Variants in DLGAP4 observed in about 807,000 individuals in gnomAD.
DLGAP4 encodes disks large-associated protein 4.
In DLGAP4, 18 loss-of-function variants were observed where a neutral mutation model predicts 86.9. The observed-to-expected ratio is 0.21, with a 90% CI of 0.14 to 0.31. The LOEUF (loss-of-function observed/expected upper bound fraction) is 0.31, where lower values mean the gene tolerates loss of function less well. DLGAP4 is among the 10% of genes least tolerant of loss of function. The probability of loss-of-function intolerance (pLI) is 1.00; values close to 1 mark genes in which losing one functional copy is unlikely to be tolerated. For missense variants in DLGAP4, 1,085 were observed against 1,362.6 expected (o/e 0.80, Z 3.21); for synonymous variants, 548 against 574.3 (o/e 0.95, Z 0.65).
chr20:36,526,545 C>A (rs563697878), intron 12 of DLGAP4, among the ~76,000 whole-genome samples: 32 of 152,144 alleles, frequency 2.1e-4, no homozygotes, highest in African/African-American at 7.5e-4. Context: ...CCCGGTGATT[C>A]AACATGAGGG....
At position 36,497,106 on chromosome 20, in the gene DLGAP4, C is replaced by T. The variant is rs754691389; in HGVS notation, c.2010+40C>T. On this transcript the variant is annotated intron_variant, in intron 8 of 12. Coordinates refer to ENST00000339266, the MANE Select transcript of DLGAP4 (RefSeq NM_001365621.2). ...TGCACTCTGTGTCCTCAGCCCACTC[C>T]GTGCACCTGCCTGTGTGTAATTACA... 93 of 1,540,986 alleles carry T rather than the reference C, an allele frequency of 6.0e-5. No individual in the cohort carries two copies. The Admixed American group carries it at 1.0e-3, about 17-fold the overall frequency.
At chr20:36,443,367 C>T (rs1387072609) in intron 6 of DLGAP4, among the ~76,000 whole-genome samples, 1 of 152,152 alleles carries the variant, frequency 6.6e-6, no homozygotes, top group Non-Finnish European at 1.5e-5. Context: ...CCCTCCCAGG[C>T]CAAAGACCAA....
chr20:36,472,023 GAGACCAGGAGC>G (rs1301218210), intron 7 of DLGAP4, among the ~76,000 whole-genome samples: 1 of 152,170 alleles, frequency 6.6e-6, no homozygotes, highest in Non-Finnish European at 1.5e-5. Context: ...GGTGGTCAGG[GAGACCAGGAGC>G]ATGTCTACAC....
In DLGAP4 at chr20:36,500,399, A is replaced by G. The variant is rs1485390572; in HGVS notation, c.2300A>G (p.Asn767Ser). 1.3e-6 allele frequency: 2 copies of G among 1,596,336 alleles called. No homozygotes were observed. The highest frequency in any genetic ancestry group is 1.7e-6 in the Non-Finnish European group (2 of 1,171,020). ...AAGCGCAACCTCTCCTATGGAGACA[A>G]CAGCGACCCTGCCCTAGAGGCGTCC... The part of the protein sequence containing the change: ...QIKRNLSYGD[N>S]SDPALEASSL... The change falls in exon 10 of 13, where the codon AAC becomes AGC. Residue 767 changes from asparagine (N) to serine (S), a missense_variant. Around this residue, in one of 2 missense-constraint regions of DLGAP4, gnomAD observed 1,082 missense variants for 1,344.1 expected, o/e 0.81. Transcript: ENST00000339266. The surrounding 1 kb of genome is among the most constrained non-coding windows in gnomAD (Gnocchi z 4.6).
chr20:36,344,201 C>T (rs549234009), intron 1 of DLGAP4, among the ~76,000 whole-genome samples: 4 of 152,174 alleles, frequency 2.6e-5, no homozygotes, highest in African/African-American at 4.8e-5. Context: ...TCTCTGCTCC[C>T]GACTCTTCAC....
chr20:36,490,648 C>T (rs938850959), intron 7 of DLGAP4, among the ~76,000 whole-genome samples: 18 of 152,210 alleles, frequency 1.2e-4, no homozygotes, highest in African/African-American at 4.1e-4. Flanking sequence ...TCCAGGTTGT[C>T]TGTGGCCCCA....
At chr20:36,502,445 G>A (rs577463101) in intron 10 of DLGAP4, among the ~76,000 whole-genome samples, 8 of 152,296 alleles carry the variant, frequency 5.3e-5, no homozygotes, top group Middle Eastern at 3.4e-3. Flanking sequence ...AAACTCCTGG[G>A]CCGAAGTAAT....
At chr20:36,479,216 A>C (rs2035076572) in intron 7 of DLGAP4, among the ~76,000 whole-genome samples, 1 of 152,086 alleles carries the variant, frequency 6.6e-6, no homozygotes, top group South Asian at 2.1e-4. Context: ...TTCCAGCATC[A>C]CTGTCATCTG....
intron 4 of DLGAP4, among the ~76,000 whole-genome samples, chr20:36,439,253 G>A (rs892026210): frequency 2.0e-5 from 3 of 152,160 alleles, no homozygotes; most frequent in African/African-American, 7.2e-5. Context: ...TAAGTAAGGG[G>A]TAATGACTTG....
intron 1 of DLGAP4, among the ~76,000 whole-genome samples, chr20:36,317,356 TTTCTTTCTTTCA>T (rs1394746562): frequency 1.3e-5 from 2 of 149,484 alleles, no homozygotes; most frequent in Non-Finnish European, 1.5e-5. Flanking sequence ...TCCTTCTCTC[TTTCTTTCTTTCA>T]TTCTTTCTTT....
At chr20:36,436,702 G>A (rs1318927443) in intron 4 of DLGAP4, among the ~76,000 whole-genome samples, 1 of 152,110 alleles carries the variant, frequency 6.6e-6, no homozygotes, top group Non-Finnish European at 1.5e-5. Flanking sequence ...TGTAATCCCA[G>A]CTACTCGGGA....
rs182512152 is a variant in DLGAP4 at position 36,401,466 on chromosome 20, C to T, written c.-72-30180C>T. On this transcript the variant is annotated intron_variant, in intron 2 of 12. Coordinates refer to ENST00000339266, the MANE Select transcript of DLGAP4 (RefSeq NM_001365621.2). ...TAGCCCTGGTGTCACCTCAGGCAGG[C>T]GGCTTTTCCCTCCCGGGCTGTGTGT... Among the ~76,000 whole-genome samples the T allele has an allele frequency of 2.8e-3, 428 of 152,296 alleles. 3 individuals carry two copies. Among genetic ancestry groups the T allele is most frequent in the African/African-American group, 9.9e-3 (411 of 41,560 alleles).
intron 2 of DLGAP4, among the ~76,000 whole-genome samples, chr20:36,429,372 G>A (rs1600517027): frequency 1.4e-5 from 2 of 142,108 alleles, no homozygotes; most frequent in African/African-American, 5.2e-5. Context: ...AGAAACCATG[G>A]CTGGCCCATT....
At chr20:36,326,111 T>C (rs2065213501) in intron 1 of DLGAP4, among the ~76,000 whole-genome samples, 1 of 152,190 alleles carries the variant, frequency 6.6e-6, no homozygotes. Context: ...ACTTTGTACC[T>C]GTTCGTGTTT....
chr20:36,374,853 C>A (rs998342409), intron 2 of DLGAP4, among the ~76,000 whole-genome samples: 3 of 152,214 alleles, frequency 2.0e-5, no homozygotes, highest in African/African-American at 4.8e-5. Context: ...TGCAGGCTGT[C>A]CCCCAAATGA....
At chr20:36,337,692 C>T (rs782805626) in intron 1 of DLGAP4, among the ~76,000 whole-genome samples, 1 of 152,208 alleles carries the variant, frequency 6.6e-6, no homozygotes, top group African/African-American at 2.4e-5. Flanking sequence ...GCTTCCCCCC[C>T]AGGATGTTTC....
chr20:36,397,747 A>G (rs1045574722), intron 2 of DLGAP4, among the ~76,000 whole-genome samples: 1 of 152,160 alleles, frequency 6.6e-6, no homozygotes, highest in Non-Finnish European at 1.5e-5. Context: ...TTAAATTTCA[A>G]ACGTATGGGT....
intron 7 of DLGAP4, among the ~76,000 whole-genome samples, chr20:36,467,923 G>A (rs1020897817): frequency 1.3e-5 from 2 of 152,242 alleles, no homozygotes; most frequent in African/African-American, 2.4e-5. Context: ...GGTAGCTCAG[G>A]CCCAAGGCCA....
At chr20:36,378,352 C>T (rs536445902) in intron 2 of DLGAP4, among the ~76,000 whole-genome samples, 93 of 152,308 alleles carry the variant, frequency 6.1e-4, no homozygotes, top group Middle Eastern at 6.8e-3. Context: ...AAATGCACAA[C>T]AAATACTAGC....
Sources: gnomAD v4.1 joint callset for allele counts (sites outside exome capture counted in the v4.1 genomes callset) on GRCh38, gnomAD v4.1.1 for gene constraint, gnomAD v4.1.1 regional missense constraint, Gnocchi (gnomAD v3.1) non-coding constraint, MANE v1.5 for transcripts, NCBI Gene and HGNC (gene_info 2026-07-23, HGNC 2026-07-21) for gene names.